Variants in SOHLH2 observed in about 807,000 individuals in gnomAD.
The protein encoded by SOHLH2 is spermatogenesis- and oogenesis-specific basic helix-loop-helix-containing protein 2.
SOHLH2 carries 22 observed loss-of-function variants against 50.4 expected under a neutral mutation model. That is an observed-to-expected ratio of 0.44 (90% CI 0.31 to 0.62). The LOEUF is 0.62. Among genes scored for constraint, SOHLH2 ranks in the 20% least tolerant of loss-of-function variants. SOHLH2 has a pLI of 0.08. For missense variants in SOHLH2, 412 were observed against 504.4 expected, an observed-to-expected ratio of 0.82 and a Z score of 1.76; for synonymous variants, 185 against 187.3, an observed-to-expected ratio of 0.99 and a Z score of 0.10.
intron 10 of SOHLH2, among the ~76,000 whole-genome samples, chr13:36,170,012 C>A (rs899239435): frequency 2.0e-5 from 3 of 152,176 alleles, no homozygotes; most frequent in Non-Finnish European, 4.4e-5. Flanking sequence ...ATTCTTAGTA[C>A]AATGACAAAC....
intron 4 of SOHLH2, among the ~76,000 whole-genome samples, chr13:36,193,157 A>G (rs1330642084): frequency 4.6e-5 from 7 of 152,240 alleles, no homozygotes; most frequent in Admixed American, 1.3e-4. Flanking sequence ...TAATTGAAGC[A>G]TTGACATTAA....
Position 36,168,957 on chromosome 13 carries a change from T to C in SOHLH2, c.*77A>G. 6.4e-7 allele frequency: 1 copy of C among 1,557,084 alleles called. No individual in the cohort carries two copies. The highest frequency in any genetic ancestry group is 1.4e-5 in the African/African-American group (1 of 72,334). On this transcript the variant is annotated 3_prime_UTR_variant, in exon 11 of 11. Coordinates refer to ENST00000379881, the MANE Select transcript of SOHLH2 (RefSeq NM_017826.3). Reference sequence around the variant, plus strand: ...TCTTTGGGTGGAGCTTTCAAAATCATTCTTTGTTCCACTTTTCCTAGATTG... The same window carrying C: ...TCTTTGGGTGGAGCTTTCAAAATCACTCTTTGTTCCACTTTTCCTAGATTG...
intron 9 of SOHLH2, among the ~76,000 whole-genome samples, chr13:36,171,102 T>A (rs547946863): frequency 2.0e-5 from 3 of 152,224 alleles, no homozygotes; most frequent in East Asian, 3.9e-4. Flanking sequence ...AGGAAGAAGG[T>A]TGGAAAGAAC....
At chr13:36,182,033 T>C in intron 6 of SOHLH2, 1 of 979,992 alleles carries the variant, frequency 1.0e-6, no homozygotes, top group Non-Finnish European at 1.2e-6. Context: ...TTTATTAATG[T>C]TTTAAAAACC....
At chr13:36,190,310 A>G (rs1315422444) in intron 5 of SOHLH2, among the ~76,000 whole-genome samples, 1 of 152,208 alleles carries the variant, frequency 6.6e-6, no homozygotes. Context: ...ATTGTTAACA[A>G]TACATACAAG....
At chr13:36,201,048 CAAAAAAAAAAAAA>C (rs10660002) in intron 2 of SOHLH2, among the ~76,000 whole-genome samples, 1 of 55,962 alleles carries the variant, frequency 1.8e-5, no homozygotes, top group Non-Finnish European at 3.2e-5. Flanking sequence ...GACTCTGCCT[CAAAAAAAAAAAAA>C]AAAAAAAAAA....
chr13:36,207,044 C>A (rs537748391), intron 1 of SOHLH2, among the ~76,000 whole-genome samples: 2 of 151,558 alleles, frequency 1.3e-5, no homozygotes, highest in South Asian at 4.2e-4. Flanking sequence ...TTCTTCATAC[C>A]CCCTTATTTT....
chr13:36,197,964 G>A (rs1178929152), intron 2 of SOHLH2, among the ~76,000 whole-genome samples: 1 of 152,152 alleles, frequency 6.6e-6, no homozygotes, highest in Non-Finnish European at 1.5e-5. Flanking sequence ...ATATTCAGAG[G>A]AGTAGGTCAT....
In SOHLH2 at chr13:36,201,047, TC is replaced by T. The variant is rs1191413147; in HGVS notation, c.263+831del. Among the ~76,000 whole-genome samples the T allele has an allele frequency of 1.1e-4, 3 of 27,770 alleles. No individual in the cohort carries two copies. In the East Asian group the frequency reaches 2.2e-3, roughly 20 times the overall value. 18.2% of individuals were successfully genotyped at this position (27,770 alleles called of 152,430 possible). On this transcript the variant is annotated intron_variant, in intron 2 of 10. Transcript: ENST00000379881. The stretch of plus-strand genomic sequence containing the variant: ...CTGGGCAACAGAACGAGACTCTGCC[TC>T]AAAAAAAAAAAAAAAAAAAAAAAGA...
chr13:36,169,099 A>G (rs1886894475), intron 10 of SOHLH2, 45 bp from the exon 11 acceptor site: 1 of 1,583,648 alleles, frequency 6.3e-7, no homozygotes, highest in South Asian at 1.2e-5. Context: ...ATCCTCACCC[A>G]CTCTTACTCA....
intron 2 of SOHLH2, among the ~76,000 whole-genome samples, chr13:36,201,649 T>C (rs572721855): frequency 1.3e-5 from 2 of 152,284 alleles, no homozygotes; most frequent in East Asian, 1.9e-4. Context: ...TAAAATTTTT[T>C]GTAGAGACAG....
chr13:36,186,815 G>A (rs892450053), intron 6 of SOHLH2, among the ~76,000 whole-genome samples: 1 of 152,056 alleles, frequency 6.6e-6, no homozygotes, highest in Non-Finnish European at 1.5e-5. Flanking sequence ...TTTCCCAAGT[G>A]CAAAAATATT....
At chr13:36,176,918 A>T (rs1887110305) in intron 6 of SOHLH2, among the ~76,000 whole-genome samples, 2 of 152,142 alleles carry the variant, frequency 1.3e-5, no homozygotes, top group Admixed American at 6.5e-5. Context: ...TAAACACTAC[A>T]TAAAACAAAA....
chr13:36,169,190 G>A, intron 10 of SOHLH2, 136 bp from the exon 11 acceptor site: 2 of 1,288,966 alleles, frequency 1.6e-6, no homozygotes, highest in Non-Finnish European at 2.0e-6. Flanking sequence ...AGGTGAATAA[G>A]CTTACAGGTT....
At position 36,193,694 on chromosome 13, in the gene SOHLH2, A is replaced by T; in HGVS notation, c.357T>A (p.Ala119=). The change falls in exon 4 of 11, where the codon GCT becomes GCA. Residue 119 remains alanine, a synonymous_variant. Coordinates refer to ENST00000379881, the MANE Select transcript of SOHLH2 (RefSeq NM_017826.3). The stretch of plus-strand genomic sequence containing the variant: ...TTTCCATTGTCAGTGGTTCAGTTAA[A>T]GCAATATCCATTCCATGCCCTGAAA... ...GCISGHGMDI[A]LTEPLTMEKM... 1.2e-6 allele frequency: 2 copies of T among 1,613,178 alleles called. No homozygotes were observed. Among genetic ancestry groups the T allele is most frequent in the Non-Finnish European group, 1.7e-6 (2 of 1,179,804 alleles).
At chr13:36,175,525 G>T (rs1163730889) in intron 6 of SOHLH2, among the ~76,000 whole-genome samples, 4 of 152,212 alleles carry the variant, frequency 2.6e-5, no homozygotes, top group Admixed American at 2.6e-4. Flanking sequence ...AGGAAATGTA[G>T]ATCTAACTGA....
At chr13:36,181,134 A>G (rs1887243967) in intron 6 of SOHLH2, among the ~76,000 whole-genome samples, 1 of 152,202 alleles carries the variant, frequency 6.6e-6, no homozygotes, top group Admixed American at 6.5e-5. Context: ...TACCGCAGGT[A>G]ATACTGTTTG....
chr13:36,208,612 T>A (rs1014985799), intron 1 of SOHLH2, among the ~76,000 whole-genome samples: 1 of 152,212 alleles, frequency 6.6e-6, no homozygotes, highest in Admixed American at 6.5e-5. Flanking sequence ...TTAGTTCCAA[T>A]CATTATTAAA....
intron 6 of SOHLH2, among the ~76,000 whole-genome samples, chr13:36,185,619 T>C (rs1283089108): frequency 6.6e-6 from 1 of 152,090 alleles, no homozygotes; most frequent in Non-Finnish European, 1.5e-5. Flanking sequence ...GACAAACCTT[T>C]TTTTGCTAGA....
Sources: allele counts gnomAD v4.1 joint callset (sites outside exome capture counted in the v4.1 genomes callset), GRCh38; gene constraint gnomAD v4.1.1; transcripts MANE v1.5; gene names NCBI Gene and HGNC (gene_info 2026-07-23, HGNC 2026-07-21).